The following CDYL2 variants were observed in gnomAD, a reference collection of about 807,000 sequenced individuals.
The protein encoded by CDYL2 is chromodomain Y like 2, also known as chromodomain Y-like protein 2.
A neutral mutation model predicts 49.4 loss-of-function variants in CDYL2; 23 were observed. That is an observed-to-expected ratio of 0.47 (90% CI 0.34 to 0.66). The LOEUF (loss-of-function observed/expected upper bound fraction) is 0.66. CDYL2 is among the 30% of genes least tolerant of loss of function. The pLI is 0.01. For synonymous variants in CDYL2, 360 were observed against 268.8 expected (o/e 1.34, Z -3.32); for missense variants, 678 against 656.4 (o/e 1.03, Z -0.36).
intron 1 of CDYL2, among the ~76,000 whole-genome samples, chr16:80,773,783 A>G (rs1258881220): frequency 1.3e-5 from 2 of 152,200 alleles, no homozygotes; most frequent in Non-Finnish European, 2.9e-5. Flanking sequence ...GCATGCTTAA[A>G]TTAAAATGTA....
At chr16:80,702,134 G>A (rs960772888) in intron 1 of CDYL2, among the ~76,000 whole-genome samples, 1 of 151,280 alleles carries the variant, frequency 6.6e-6, no homozygotes, top group African/African-American at 2.4e-5. Flanking sequence ...AGAGTTTGGG[G>A]GTTTTCTGAA....
intron 2 of CDYL2, among the ~76,000 whole-genome samples, chr16:80,644,606 G>A (rs1908251357): frequency 6.6e-6 from 1 of 152,146 alleles, no homozygotes; most frequent in African/African-American, 2.4e-5. Flanking sequence ...ACATGGCAGT[G>A]GCAAGAGAAA....
intron 1 of CDYL2, among the ~76,000 whole-genome samples, chr16:80,786,236 G>C (rs1004039369): frequency 6.6e-6 from 1 of 152,068 alleles, no homozygotes; most frequent in African/African-American, 2.4e-5. Flanking sequence ...CTAATATCCA[G>C]AATCTACAAA....
chr16:80,621,022 A>AC, intron 3 of CDYL2, 87 bp from the exon 4 acceptor site: 1 of 1,393,386 alleles, frequency 7.2e-7, no homozygotes. Context: ...CAGAGGCCTG[A>AC]CCCCCTGAGG....
chr16:80,637,365 T>C (rs555546426), intron 2 of CDYL2, among the ~76,000 whole-genome samples: 3 of 152,144 alleles, frequency 2.0e-5, no homozygotes, highest in Non-Finnish European at 4.4e-5. Context: ...AGATGTTCTC[T>C]CTCTTTTTCA....
intron 1 of CDYL2, among the ~76,000 whole-genome samples, chr16:80,791,489 G>A (rs1255813914): frequency 6.6e-6 from 1 of 152,182 alleles, no homozygotes; most frequent in Non-Finnish European, 1.5e-5. Flanking sequence ...ATATTCAGCT[G>A]AGTGCTATAA....
intron 1 of CDYL2, among the ~76,000 whole-genome samples, chr16:80,753,489 T>C (rs1463845956): frequency 1.3e-5 from 2 of 152,078 alleles, no homozygotes; most frequent in African/African-American, 4.8e-5. Flanking sequence ...ATGCCTGTAA[T>C]CCCAGCTACT....
chr16:80,651,411 G>C (rs1443843698), intron 2 of CDYL2, among the ~76,000 whole-genome samples: 1 of 152,122 alleles, frequency 6.6e-6, no homozygotes, highest in East Asian at 1.9e-4. Flanking sequence ...AAGGTAAAAA[G>C]ATCAGTGGTT....
intron 1 of CDYL2, among the ~76,000 whole-genome samples, chr16:80,689,094 A>C (rs1294905773): frequency 1.3e-5 from 2 of 151,928 alleles, no homozygotes; most frequent in African/African-American, 4.8e-5. Context: ...GAATGAATGA[A>C]TGACATTAGA....
At chr16:80,708,078 T>A (rs531565744) in intron 1 of CDYL2, among the ~76,000 whole-genome samples, 10 of 151,748 alleles carry the variant, frequency 6.6e-5, no homozygotes, top group African/African-American at 2.2e-4. Context: ...CCATAGGAGG[T>A]TGTAGAGGAT....
intron 1 of CDYL2, among the ~76,000 whole-genome samples, chr16:80,695,110 C>A (rs1292707443): frequency 6.6e-6 from 1 of 152,216 alleles, no homozygotes; most frequent in Non-Finnish European, 1.5e-5. Flanking sequence ...GGCCTGCAGG[C>A]CAAATCTGGC....
At chr16:80,619,773 G>C (rs916198699) in intron 4 of CDYL2, among the ~76,000 whole-genome samples, 10 of 152,314 alleles carry the variant, frequency 6.6e-5, no homozygotes, top group African/African-American at 2.4e-4. Flanking sequence ...TTTCGGAGCA[G>C]GGGCTCCAAT....
rs1427913257 is a variant in CDYL2, at chr16:80,608,121, C to T, written c.1333G>A (p.Val445Ile). The change falls in exon 6 of 7, where the codon GTC (valine) becomes ATC (isoleucine). Residue 445 changes from valine to isoleucine, a missense_variant. Physicochemically the swap from Val to Ile is conservative, Grantham distance 29. Coordinates refer to ENST00000570137, the MANE Select transcript of CDYL2 (RefSeq NM_152342.4). ...TTFSQEVMLRVKEMASCSAVV... is the reference protein window; with the variant it reads ...TTFSQEVMLRIKEMASCSAVV... ...GCACTGCAGGATGCCATCTCCTTGACCCGCAGCATGACCTCCTGGCTGAAC... is the reference window on the plus strand; with the variant it reads ...GCACTGCAGGATGCCATCTCCTTGATCCGCAGCATGACCTCCTGGCTGAAC... 8 of 1,601,544 alleles carry T rather than the reference C, an allele frequency of 5.0e-6. No homozygotes were observed. In the Admixed American group the frequency reaches 1.0e-4, roughly 20 times the overall value.
chr16:80,720,284 G>A (rs150676714), intron 1 of CDYL2, among the ~76,000 whole-genome samples: 183 of 152,192 alleles, frequency 1.2e-3, no homozygotes, highest in African/African-American at 4.1e-3. Flanking sequence ...TATAGTCATC[G>A]GCACTCTAAA....
intron 1 of CDYL2, among the ~76,000 whole-genome samples, chr16:80,735,740 G>T (rs1315716853): frequency 1.3e-5 from 2 of 152,188 alleles, no homozygotes; most frequent in African/African-American, 4.8e-5. Flanking sequence ...TCTCGACAGA[G>T]TACTCTGAAG....
rs373180498 is a variant in CDYL2 at position 80,686,525 on chromosome 16, TAAAAC to T, written c.25-1401_25-1397del. On this transcript the variant is annotated intron_variant, in intron 1 of 6. Coordinates refer to ENST00000570137, the MANE Select transcript of CDYL2 (RefSeq NM_152342.4). ...CCTCTGAAACTTACAAAAAGAAAAA[TAAAAC>T]AGGTGAGCAAAGGTGAGTACAGTCA... 4.2e-3 allele frequency among the ~76,000 whole-genome samples: 645 copies of T among 152,106 alleles called. 2 individuals carry two copies. The highest frequency in any genetic ancestry group is 0.015 in the African/African-American group (602 of 41,498).
At chr16:80,715,850 C>T (rs1274586022) in intron 1 of CDYL2, among the ~76,000 whole-genome samples, 1 of 152,216 alleles carries the variant, frequency 6.6e-6, no homozygotes, top group Non-Finnish European at 1.5e-5. Flanking sequence ...GTGCCTGGCC[C>T]TTGTGCCCTG....
At chr16:80,688,514 C>T (rs7191647) in intron 1 of CDYL2, among the ~76,000 whole-genome samples, 13,572 of 152,186 alleles carry the variant, frequency 0.089, 1,056 homozygotes, top group African/African-American at 0.21. Context: ...GACAAAACTG[C>T]TTTTATATAC....
intron 1 of CDYL2, among the ~76,000 whole-genome samples, chr16:80,707,433 C>G (rs988813963): frequency 6.6e-6 from 1 of 152,086 alleles, no homozygotes; most frequent in Non-Finnish European, 1.5e-5. Flanking sequence ...TGCACTCCAG[C>G]CTAGGCGACA....
Sources: gnomAD v4.1 joint callset for allele counts (sites outside exome capture counted in the v4.1 genomes callset) on GRCh38, gnomAD v4.1.1 for gene constraint, MANE v1.5 for transcripts, NCBI Gene and HGNC (gene_info 2026-07-23, HGNC 2026-07-21) for gene names.